The following ZFP1 variants were observed in gnomAD, a reference collection of about 807,000 sequenced individuals.
The protein encoded by ZFP1 is zinc finger protein 1 homolog.
Under a neutral mutation model 38.5 loss-of-function variants are expected in ZFP1, and 32 were observed. The ratio of observed to expected loss-of-function variants is 0.83; its 90% CI spans 0.63 to 1.12. ZFP1 has a LOEUF of 1.12. Ranked by LOEUF, ZFP1 falls within the 50% of genes most tolerant of loss-of-function variation. ZFP1 has a pLI of 0.00. For synonymous variants in ZFP1, 245 were observed against 168.8 expected (o/e 1.45, Z -3.50); for missense variants, 616 against 480.8 (o/e 1.28, Z -2.63).
At chr16:75,164,595 C>G (rs997955627) in intron 2 of ZFP1, among the ~76,000 whole-genome samples, 1 of 152,090 alleles carries the variant, frequency 6.6e-6, no homozygotes, top group Non-Finnish European at 1.5e-5. Context: ...ATGCCTGATA[C>G]TTGACATCTA....
At chr16:75,128,399 G>T in the ZFP1 span, among the ~76,000 whole-genome samples, 1 of 152,204 alleles carries the variant, frequency 6.6e-6, no homozygotes, top group Non-Finnish European at 1.5e-5. Flanking sequence ...TATTTTTGCT[G>T]TAGTGTATAC....
At chr16:75,143,348 C>A in the ZFP1 span, among the ~76,000 whole-genome samples, 10,894 of 151,744 alleles carry the variant, frequency 0.072, 1,315 homozygotes, top group African/African-American at 0.25. Context: ...TTCAAGCAAT[C>A]CTCCTGCCTC....
At position 75,170,494 on chromosome 16, in the gene ZFP1, G is replaced by T. The variant is rs550830757; in HGVS notation, c.*160G>T. On this transcript the variant is annotated 3_prime_UTR_variant, in exon 4 of 4. Coordinates refer to ENST00000570010, the MANE Select transcript of ZFP1 (RefSeq NM_153688.4). ...TAGGATCCCATGAGAACATTATACTGGAAGTTACATGTGATACCCAGCTAA... is the reference window on the plus strand; with the variant it reads ...TAGGATCCCATGAGAACATTATACTTGAAGTTACATGTGATACCCAGCTAA... 5.5e-6 allele frequency: 6 copies of T among 1,090,228 alleles called. 1 individual carries two copies. In the Admixed American group the frequency reaches 2.0e-4, roughly 36 times the overall value. 67.5% of individuals were successfully genotyped at this position (1,090,228 alleles called of 1,614,324 possible). A position where few individuals can be genotyped will look rare whatever the true frequency, so the allele number is the denominator to read the frequency against.
chr16:75,130,250 C>T, the ZFP1 span, among the ~76,000 whole-genome samples: 72 of 152,280 alleles, frequency 4.7e-4, no homozygotes, highest in African/African-American at 1.7e-3. Flanking sequence ...ATCCGCCTGC[C>T]TCAGCCTCCC....
the ZFP1 span, among the ~76,000 whole-genome samples, chr16:75,140,344 G>GACTCA: frequency 6.6e-6 from 1 of 151,902 alleles, no homozygotes; most frequent in Admixed American, 6.6e-5. Flanking sequence ...TGAGACAGGA[G>GACTCA]GACCACTTGA....
the ZFP1 span, among the ~76,000 whole-genome samples, chr16:75,127,315 T>C: frequency 6.6e-6 from 1 of 152,106 alleles, no homozygotes; most frequent in African/African-American, 2.4e-5. Flanking sequence ...AGTGGCATGA[T>C]CTCAGCTCAC....
At chr16:75,143,977 G>C (rs914163660), upstream of ZFP1, 2 of 152,160 alleles carry the variant, frequency 1.3e-5, no homozygotes, top group African/African-American at 4.8e-5. Context: ...TAATGTAGTT[G>C]TTTGATACTG....
At chr16:75,138,595 T>C in the ZFP1 span, among the ~76,000 whole-genome samples, 1 of 152,214 alleles carries the variant, frequency 6.6e-6, no homozygotes, top group African/African-American at 2.4e-5. Flanking sequence ...TGTAATTAGC[T>C]AAGATGAGGT....
At chr16:75,149,995 G>A (rs564578609) in intron 1 of ZFP1, among the ~76,000 whole-genome samples, 5 of 151,286 alleles carry the variant, frequency 3.3e-5, no homozygotes, top group African/African-American at 1.2e-4. Context: ...ATGTTGGCCC[G>A]GCTGCTCTAG....
At chr16:75,147,452 ATT>A (rs34096115), upstream of ZFP1, among the ~76,000 whole-genome samples, 8 of 140,928 alleles carry the variant, frequency 5.7e-5, no homozygotes, top group African/African-American at 1.8e-4. Flanking sequence ...TAATTTTTGT[ATT>A]TTTTTTTTTT....
At chr16:75,166,440 G>A (rs2038086430) in intron 2 of ZFP1, 1 of 498,816 alleles carries the variant, frequency 2.0e-6, no homozygotes, top group African/African-American at 2.1e-5. Context: ...TGTCCAGGCT[G>A]GTCTCGAACT....
chr16:75,131,003 C>G, the ZFP1 span, among the ~76,000 whole-genome samples: 9 of 152,140 alleles, frequency 5.9e-5, no homozygotes, highest in Non-Finnish European at 1.0e-4. Context: ...CATTTATCAT[C>G]TTTCCTATAT....
At chr16:75,152,565 T>C (rs1237840520) in intron 1 of ZFP1, among the ~76,000 whole-genome samples, 1 of 152,232 alleles carries the variant, frequency 6.6e-6, no homozygotes, top group Non-Finnish European at 1.5e-5. Context: ...CCTATTTGTT[T>C]ATTCATGTTG....
At chr16:75,167,060 C>G (rs1409378133) in intron 3 of ZFP1, 164 bp downstream of exon 3, 1 of 1,327,538 alleles carries the variant, frequency 7.5e-7, no homozygotes, top group Non-Finnish European at 1.0e-6. Context: ...CATCTCCTTT[C>G]CTTTAAGGCT....
chr16:75,124,965 TAAGA>T, the ZFP1 span, among the ~76,000 whole-genome samples: 2 of 151,436 alleles, frequency 1.3e-5, no homozygotes, highest in Admixed American at 1.3e-4. Flanking sequence ...GCTGGTAGTT[TAAGA>T]AAGAGGAATG....
chr16:75,167,386 C>G (rs962283328), intron 3 of ZFP1, among the ~76,000 whole-genome samples: 1 of 138,438 alleles, frequency 7.2e-6, no homozygotes. Context: ...ATCCGTCTCT[C>G]CCTGCTTACC....
rs148661083 is a variant in ZFP1 at position 75,170,289 on chromosome 16, C to T, written c.1179C>T (p.Ser393=). ...SECGKAFSRK[S]RLSVHQRVHI... is the part of the protein sequence containing the mutation. ...GTGGGAAGGCCTTTAGCAGGAAGTC[C>T]CGACTCAGTGTCCATCAGAGAGTTC... The change falls in exon 4 of 4, where the codon TCC becomes TCT. Residue 393 remains serine (S), a synonymous_variant. Coordinates refer to ENST00000570010, the MANE Select transcript of ZFP1 (RefSeq NM_153688.4). 3 of 1,608,796 alleles carry T rather than the reference C, an allele frequency of 1.9e-6. No individual in the cohort carries two copies. The East Asian group carries it at 6.7e-5, about 36-fold the overall frequency.
chr16:75,164,693 C>G (rs1202168937), intron 2 of ZFP1, among the ~76,000 whole-genome samples: 1 of 151,950 alleles, frequency 6.6e-6, no homozygotes, highest in African/African-American at 2.4e-5. Flanking sequence ...ATGTGACCCA[C>G]AAGCTAAGAA....
intron 1 of ZFP1, among the ~76,000 whole-genome samples, chr16:75,150,842 T>A (rs1171785383): frequency 6.6e-6 from 1 of 152,144 alleles, no homozygotes; most frequent in Non-Finnish European, 1.5e-5. Context: ...ATTGATTGAT[T>A]GAGACAGGGT....
Sources: allele counts gnomAD v4.1 joint callset (sites outside exome capture counted in the v4.1 genomes callset), GRCh38; gene constraint gnomAD v4.1.1; transcripts MANE v1.5; gene names NCBI Gene and HGNC (gene_info 2026-07-23, HGNC 2026-07-21).